The following NPL variants were observed in gnomAD, a reference collection of about 807,000 sequenced individuals.
NPL encodes the protein N-acetylneuraminate pyruvate lyase.
NPL carries 32 observed loss-of-function variants against 41.1 expected under a neutral mutation model. That is an observed-to-expected ratio of 0.78 (90% CI 0.59 to 1.05). The LOEUF is 1.05. NPL is among the 50% of genes least tolerant of loss of function. The pLI, the probability that NPL is intolerant of heterozygous loss-of-function variation, is 0.00. For missense variants in NPL, 321 were observed against 378.4 expected, an observed-to-expected ratio of 0.85 and a Z score of 1.26; for synonymous variants, 128 against 134.9, an observed-to-expected ratio of 0.95 and a Z score of 0.35.
At chr1:182,810,454 A>G (rs1247014263) in intron 5 of NPL, among the ~76,000 whole-genome samples, 1 of 152,196 alleles carries the variant, frequency 6.6e-6, no homozygotes, top group African/African-American at 2.4e-5. Context: ...ATATCCCAGT[A>G]TCATACCTAT....
At chr1:182,816,161 A>C (rs12067937) in intron 7 of NPL, among the ~76,000 whole-genome samples, 10,858 of 149,814 alleles carry the variant, frequency 0.072, 1,034 homozygotes, top group African/African-American at 0.23. Flanking sequence ...AACCCCACTT[A>C]CTCAGCAAAC....
intron 6 of NPL, 66 bp from the exon 7 acceptor site, chr1:182,814,717 T>C: frequency 7.9e-7 from 1 of 1,270,854 alleles, no homozygotes; most frequent in African/African-American, 1.5e-5. Flanking sequence ...CTGATCTTAG[T>C]ATCTAAGCTA....
In NPL at chr1:182,812,915, G is replaced by A. The variant is rs12094191; in HGVS notation, c.288+702G>A. Among the ~76,000 whole-genome samples the A allele has an allele frequency of 5.5e-3, 842 of 152,184 alleles. 12 individuals are homozygous for A. Among genetic ancestry groups the A allele is most frequent in the African/African-American group, 0.019 (804 of 41,530 alleles). ...TAAGAAAAGAAGGCACACACTTTGG[G>A]AGGCCGAGGCAGGCAGATCACGAGG... On this transcript the variant is annotated intron_variant, in intron 6 of 12. Transcript: ENST00000367553.
In NPL at chr1:182,816,767, T is replaced by A. The variant is rs1488324991; in HGVS notation, c.418T>A (p.Phe140Ile). The A allele has an allele frequency of 6.2e-7, 1 of 1,613,670 alleles. No individual in the cohort carries two copies. Among genetic ancestry groups the A allele is most frequent in the Non-Finnish European group, 8.5e-7 (1 of 1,179,802 alleles). The change falls in exon 8 of 13, where the codon TTT (phenylalanine) becomes ATT (isoleucine). Residue 140 changes from phenylalanine to isoleucine, a missense_variant. Transcript: ENST00000367553. ...EVAAAAPALP[F>I]YYYHIPALTG... is the part of the protein sequence containing the mutation. ...GGCTGCTGCCGCCCCTGCCCTGCCA[T>A]TTTATTACTATCACATTCCTGCCTT...
intron 1 of NPL, among the ~76,000 whole-genome samples, chr1:182,790,972 A>G (rs938988546): frequency 3.3e-5 from 5 of 152,112 alleles, no homozygotes; most frequent in Non-Finnish European, 5.9e-5. Context: ...TTCTTCCTGT[A>G]GGCGTTTCAA....
intron 10 of NPL, among the ~76,000 whole-genome samples, chr1:182,820,017 C>T (rs891498949): frequency 1.3e-5 from 2 of 152,174 alleles, no homozygotes; most frequent in Admixed American, 6.5e-5. Context: ...AGAGACTCAC[C>T]TCCACATCTT....
intron 3 of NPL, among the ~76,000 whole-genome samples, chr1:182,795,057 C>T (rs191556111): frequency 3.3e-5 from 5 of 152,286 alleles, no homozygotes; most frequent in Admixed American, 3.3e-4. Context: ...TTTTGACCTC[C>T]AGATGAATAC....
chr1:182,812,591 G>T (rs1375343094), intron 6 of NPL, among the ~76,000 whole-genome samples: 1 of 152,192 alleles, frequency 6.6e-6, no homozygotes, highest in Non-Finnish European at 1.5e-5. Context: ...AATGGCAAAT[G>T]TGAATTCTGC....
intron 6 of NPL, 151 bp downstream of exon 6, chr1:182,812,364 C>A: frequency 1.4e-6 from 1 of 732,228 alleles, no homozygotes. Context: ...TAGAAGCAGG[C>A]ATTGAGCCAT....
At chr1:182,800,730 T>C (rs1416395198) in intron 3 of NPL, among the ~76,000 whole-genome samples, 1 of 145,934 alleles carries the variant, frequency 6.9e-6, no homozygotes, top group Admixed American at 6.8e-5. Context: ...CCTGGCTTTT[T>C]TTTTTTTTTT....
At chr1:182,822,506 G>A (rs922536515) in intron 11 of NPL, among the ~76,000 whole-genome samples, 1 of 152,178 alleles carries the variant, frequency 6.6e-6, no homozygotes, top group African/African-American at 2.4e-5. Flanking sequence ...ATAGATTTCT[G>A]GGAAAATGAC....
chr1:182,826,080 C>T (rs1557954803), intron 12 of NPL: 6 of 555,152 alleles, frequency 1.1e-5, no homozygotes, highest in East Asian at 3.1e-5. Flanking sequence ...ATCAGCACTC[C>T]CTCCCTTTAC....
intron 5 of NPL, among the ~76,000 whole-genome samples, chr1:182,807,759 C>G (rs746945257): frequency 6.7e-6 from 1 of 148,474 alleles, no homozygotes; most frequent in African/African-American, 2.5e-5. Context: ...GGCATGGTGG[C>G]GGGCTCCTGT....
intron 5 of NPL, chr1:182,806,597 C>G: frequency 1.3e-6 from 2 of 1,503,092 alleles, no homozygotes; most frequent in Non-Finnish European, 1.8e-6. Flanking sequence ...AACTCACACC[C>G]CTTCCCTTCT....
In NPL at chr1:182,828,666, T is replaced by C. The variant is rs1228219206; in HGVS notation, c.779-58T>C. On this transcript the variant is annotated intron_variant, in intron 12 of 12. Transcript: ENST00000367553. The surrounding 1 kb of genome is among the most constrained non-coding windows in gnomAD (Gnocchi z 4.0). ...TAGCATATGATCTCCTTCTTTGGGA[T>C]TTTTGTGGAGAGATAGACGGTACCA... 24 of 1,611,852 alleles carry C rather than the reference T, an allele frequency of 1.5e-5. No homozygotes were observed. The highest frequency in any genetic ancestry group is 1.5e-5 in the Non-Finnish European group (18 of 1,178,684).
intron 2 of NPL, among the ~76,000 whole-genome samples, chr1:182,793,586 G>A (rs530109184): frequency 5.9e-5 from 9 of 152,274 alleles, no homozygotes; most frequent in South Asian, 4.1e-4. Flanking sequence ...GTGGGGAAGA[G>A]GGAGGTGAAT....
chr1:182,799,504 AAG>A lies in NPL; in HGVS notation c.69-4191_69-4190del, dbSNP rs548464496. On this transcript the variant is annotated intron_variant, in intron 3 of 12. Coordinates refer to ENST00000367553, the MANE Select transcript of NPL (RefSeq NM_030769.3). ...TTTGTGAATAGAAAAATATCAAACTAAGAGGAATCATCTCCAGAGATATCCTG... is the reference window on the plus strand; with the variant it reads ...TTTGTGAATAGAAAAATATCAAACTAAGGAATCATCTCCAGAGATATCCTG... Among the ~76,000 whole-genome samples the A allele has an allele frequency of 4.6e-5, 7 of 152,302 alleles. No individual in the cohort carries two copies. In the South Asian group the frequency reaches 1.5e-3, roughly 32 times the overall value.
At chr1:182,802,332 G>A (rs1666870990) in intron 3 of NPL, among the ~76,000 whole-genome samples, 1 of 152,252 alleles carries the variant, frequency 6.6e-6, no homozygotes, top group Non-Finnish European at 1.5e-5. Context: ...TTATAGGCAT[G>A]ATTGCCTGTG....
rs182030340 is a variant in NPL, at chr1:182,823,644, T to C, written c.738+1445T>C. Among the ~76,000 whole-genome samples, 3 of 152,296 alleles carry C rather than the reference T, an allele frequency of 2.0e-5. No homozygotes were observed. In the East Asian group the frequency reaches 5.8e-4, roughly 29 times the overall value. ...ATGGTTCTCTCCACCCTGCCCAGTTTCCTAGAAAAGGTTATTTCTGAAAAT... is the reference window on the plus strand; with the variant it reads ...ATGGTTCTCTCCACCCTGCCCAGTTCCCTAGAAAAGGTTATTTCTGAAAAT... On this transcript the variant is annotated intron_variant, in intron 11 of 12. Coordinates refer to ENST00000367553, the MANE Select transcript of NPL (RefSeq NM_030769.3).
Sources: gnomAD v4.1 joint callset for allele counts (sites outside exome capture counted in the v4.1 genomes callset) on GRCh38, gnomAD v4.1.1 for gene constraint, Gnocchi (gnomAD v3.1) non-coding constraint, MANE v1.5 for transcripts, NCBI Gene and HGNC (gene_info 2026-07-23, HGNC 2026-07-21) for gene names.